Variants in LCOR observed in about 807,000 individuals in gnomAD.
LCOR encodes the protein ligand dependent nuclear receptor corepressor, also known as ligand-dependent corepressor.
A neutral mutation model predicts 64.4 loss-of-function variants in LCOR; 14 were observed. That is an observed-to-expected ratio of 0.22 (90% confidence interval 0.14 to 0.34). The LOEUF is 0.34. Among genes scored for constraint, LCOR ranks in the 10% least tolerant of loss-of-function variants. The pLI, the probability that LCOR is intolerant of heterozygous loss-of-function variation, is 1.00. For synonymous variants in LCOR, 643 were observed against 642.5 expected (o/e 1.00, Z -0.01); for missense variants, 1,686 against 1,765.3 (o/e 0.96, Z 0.80).
chr10:96,963,470 C>CTAAAA (rs1847912950), intron 7 of LCOR: 1 of 152,132 alleles, frequency 6.6e-6, no homozygotes. Context: ...TATGCAATGT[C>CTAAAA]TTTAGAGAAT....
intron 4 of LCOR, among the ~76,000 whole-genome samples, chr10:96,916,592 T>G (rs939198154): frequency 2.0e-5 from 3 of 148,612 alleles, no homozygotes. Flanking sequence ...AAAGGCTATA[T>G]ATATATATAT....
At chr10:96,834,454 G>A (rs543672932) in intron 2 of LCOR, among the ~76,000 whole-genome samples, 3 of 152,106 alleles carry the variant, frequency 2.0e-5, no homozygotes, top group African/African-American at 4.8e-5. Context: ...TTCTTTCAAA[G>A]TATTATTATG....
intron 2 of LCOR, among the ~76,000 whole-genome samples, chr10:96,849,609 C>T (rs887217993): frequency 6.6e-6 from 1 of 152,170 alleles, no homozygotes; most frequent in Non-Finnish European, 1.5e-5. Flanking sequence ...TAATTACACT[C>T]GACCTTATGT....
In LCOR at chr10:96,990,666, G is replaced by A. The variant is rs1462258609; in HGVS notation, c.*5532G>A. The A allele has an allele frequency of 6.6e-6, 1 of 152,302 alleles. No homozygotes were observed. The highest frequency in any genetic ancestry group is 2.4e-5 in the African/African-American group (1 of 41,438). 9.4% of individuals were successfully genotyped at this position (152,302 alleles called of 1,614,324 possible). On this transcript the variant is annotated 3_prime_UTR_variant, in exon 8 of 8. Coordinates refer to ENST00000421806, the MANE Select transcript of LCOR (RefSeq NM_001346516.2). ...GGGGAACCACCCTGAGCACTTTGTG[G>A]AGTGTGTCCTTGCTCAGGCTTTTGC...
chr10:96,910,417 A>C (rs983416546), intron 4 of LCOR, among the ~76,000 whole-genome samples: 13 of 152,220 alleles, frequency 8.5e-5, no homozygotes, highest in African/African-American at 3.1e-4. Flanking sequence ...GGAGACAGTC[A>C]TACATCTGTA....
intron 2 of LCOR, among the ~76,000 whole-genome samples, chr10:96,888,404 T>C (rs1846383923): frequency 7.4e-6 from 1 of 134,252 alleles, no homozygotes; most frequent in South Asian, 2.2e-4. Flanking sequence ...ACAGTATATA[T>C]TGTCAATTTC....
At chr10:96,879,330 A>G (rs1409815377) in intron 2 of LCOR, among the ~76,000 whole-genome samples, 1 of 152,284 alleles carries the variant, frequency 6.6e-6, no homozygotes, top group Non-Finnish European at 1.5e-5. Context: ...TCAAGAGTTC[A>G]CATTCTAAAT....
chr10:96,876,653 T>C (rs1423940200), intron 2 of LCOR, among the ~76,000 whole-genome samples: 1 of 152,118 alleles, frequency 6.6e-6, no homozygotes, highest in Non-Finnish European at 1.5e-5. Flanking sequence ...GACAAGGCAA[T>C]GAATAGGCAG....
At chr10:96,949,404 C>CTA in intron 6 of LCOR, 109 bp downstream of exon 6, 1 of 971,210 alleles carries the variant, frequency 1.0e-6, no homozygotes, top group Non-Finnish European at 1.6e-6. Flanking sequence ...AGCATAAAAA[C>CTA]TAATGTGATT....
At chr10:96,832,980 G>A (rs1326683503) in intron 1 of LCOR, 1 of 984,666 alleles carries the variant, frequency 1.0e-6, no homozygotes, top group African/African-American at 1.7e-5. Context: ...TGGAGATGGG[G>A]GCGGAGGGAG....
chr10:96,886,673 T>C (rs951488883), intron 2 of LCOR, among the ~76,000 whole-genome samples: 17 of 150,970 alleles, frequency 1.1e-4, no homozygotes, highest in African/African-American at 4.2e-4. Context: ...CATGACCTTA[T>C]ACTTACTCAA....
At chr10:96,864,942 A>G (rs948299245) in intron 2 of LCOR, among the ~76,000 whole-genome samples, 5 of 152,206 alleles carry the variant, frequency 3.3e-5, no homozygotes, top group African/African-American at 1.2e-4. Flanking sequence ...TAAGCAGCTC[A>G]AGACTATAAT....
chr10:96,841,549 C>A (rs1306961267), intron 2 of LCOR, among the ~76,000 whole-genome samples: 1 of 151,630 alleles, frequency 6.6e-6, no homozygotes, highest in Non-Finnish European at 1.5e-5. Context: ...TTAGTAGAGA[C>A]GGGGTTTCAC....
chr10:96,958,906 T>TAAAAAAAAAAAAAAAAAAAAAAAA (rs74784568), intron 7 of LCOR: 1 of 103,890 alleles, frequency 9.6e-6, no homozygotes, highest in Non-Finnish European at 2.2e-5. Flanking sequence ...AAGAAAAACT[T>TAAAAAAAAAAAAAAAAAAAAAAAA]AAAAAAAAAA....
At chr10:96,907,405 C>A in intron 3 of LCOR, 75 bp downstream of exon 3, 1 of 411,424 alleles carries the variant, frequency 2.4e-6, no homozygotes, top group Non-Finnish European at 3.3e-6. Flanking sequence ...AAGCCTCAGT[C>A]TCCTTTTTAT....
chr10:96,900,308 A>G (rs1332847662), intron 2 of LCOR, among the ~76,000 whole-genome samples: 2 of 152,120 alleles, frequency 1.3e-5, no homozygotes, highest in African/African-American at 4.8e-5. Flanking sequence ...CTTAATATAC[A>G]ATAATTAAAA....
At chr10:96,911,463 G>A (rs968645368) in intron 4 of LCOR, among the ~76,000 whole-genome samples, 7 of 152,080 alleles carry the variant, frequency 4.6e-5, no homozygotes, top group Non-Finnish European at 8.8e-5. Context: ...TATAAATAAA[G>A]AAAAGGAAAG....
chr10:96,898,602 G>GGTGT (rs1244872114), intron 2 of LCOR, among the ~76,000 whole-genome samples: 2 of 152,236 alleles, frequency 1.3e-5, no homozygotes, highest in African/African-American at 4.8e-5. Flanking sequence ...ATTAATAGGT[G>GGTGT]GTGTGATGAA....
chr10:96,838,578 A>G (rs975991503), intron 2 of LCOR, among the ~76,000 whole-genome samples: 12 of 152,218 alleles, frequency 7.9e-5, no homozygotes, highest in African/African-American at 2.9e-4. Context: ...GGAGTCATAC[A>G]ATATATGGCT....
Sources: gnomAD v4.1 joint callset for allele counts (sites outside exome capture counted in the v4.1 genomes callset) on GRCh38, gnomAD v4.1.1 for gene constraint, MANE v1.5 for transcripts, NCBI Gene and HGNC (gene_info 2026-07-23, HGNC 2026-07-21) for gene names.